The following ASTN2 variants were observed in gnomAD, a reference collection of about 807,000 sequenced individuals.
ASTN2 encodes the protein astrotactin-2.
In ASTN2, 54 loss-of-function variants were observed where a neutral mutation model predicts 139.8. The observed-to-expected ratio is 0.39, with a 90% CI of 0.31 to 0.48. The LOEUF (loss-of-function observed/expected upper bound fraction) is 0.48, where lower values mean the gene tolerates loss of function less well. Among genes scored for constraint, ASTN2 ranks in the 20% least tolerant of loss-of-function variants. The pLI, the probability that ASTN2 is intolerant of heterozygous loss-of-function variation, is 0.95. For missense variants in ASTN2, 1,565 were observed against 1,725.1 expected (o/e 0.91, Z 1.64); for synonymous variants, 756 against 719.5 (o/e 1.05, Z -0.81).
chr9:117,171,357 C>A lies in ASTN2; in HGVS notation c.1016-29879G>T, dbSNP rs78839245. On this transcript the variant is annotated intron_variant, in intron 3 of 22. Coordinates refer to ENST00000313400, the MANE Select transcript of ASTN2 (RefSeq NM_001365068.1). ...GGTTCCTGGCCTAGCTGTGTGACTGCAGAAGGGTTGTTTAACCTCTCTGTG... is the reference window on the plus strand; with the variant it reads ...GGTTCCTGGCCTAGCTGTGTGACTGAAGAAGGGTTGTTTAACCTCTCTGTG... Among the ~76,000 whole-genome samples, 783 of 152,208 alleles carry A rather than the reference C, an allele frequency of 5.1e-3. 15 individuals carry two copies. In the East Asian group the frequency reaches 0.072, roughly 14 times the overall value.
At chr9:116,843,177 A>C (rs1326228698) in intron 11 of ASTN2, among the ~76,000 whole-genome samples, 1 of 152,214 alleles carries the variant, frequency 6.6e-6, no homozygotes, top group Non-Finnish European at 1.5e-5. Context: ...TAGCAAAGAC[A>C]TGGACTCAAC....
chr9:116,655,607 A>G (rs1222486629), intron 16 of ASTN2, among the ~76,000 whole-genome samples: 1 of 152,156 alleles, frequency 6.6e-6, no homozygotes, highest in African/African-American at 2.4e-5. Flanking sequence ...TTCCAGGCTA[A>G]CTTCCACTCA....
At chr9:116,473,873 G>C (rs1021815718) in intron 20 of ASTN2, among the ~76,000 whole-genome samples, 5 of 151,814 alleles carry the variant, frequency 3.3e-5, no homozygotes, top group African/African-American at 1.2e-4. Flanking sequence ...CTGCACTCTA[G>C]TCTGGGCAAC....
At chr9:116,684,608 C>A (rs1860084922) in intron 16 of ASTN2, among the ~76,000 whole-genome samples, 2 of 152,124 alleles carry the variant, frequency 1.3e-5, no homozygotes, top group Non-Finnish European at 2.9e-5. Context: ...ATGTTTTTGC[C>A]ATGCAAGCCT....
At chr9:116,481,115 T>C (rs1255821359) in intron 20 of ASTN2, among the ~76,000 whole-genome samples, 1 of 152,158 alleles carries the variant, frequency 6.6e-6, no homozygotes, top group East Asian at 1.9e-4. Flanking sequence ...AGTCTGGGCA[T>C]GGTTGCACAT....
chr9:117,141,679 G>A (rs1435369411), intron 3 of ASTN2, among the ~76,000 whole-genome samples: 1 of 152,076 alleles, frequency 6.6e-6, no homozygotes, highest in African/African-American at 2.4e-5. Flanking sequence ...TGTATCTGTT[G>A]GATTACATAC....
intron 4 of ASTN2, among the ~76,000 whole-genome samples, chr9:117,108,318 G>A (rs542100708): frequency 2.0e-5 from 3 of 152,186 alleles, no homozygotes; most frequent in South Asian, 4.2e-4. Flanking sequence ...TCTTCAGGGT[G>A]ACATCAGACT....
chr9:117,329,213 GAAA>G, intron 1 of ASTN2, among the ~76,000 whole-genome samples: 1 of 66,782 alleles, frequency 1.5e-5, no homozygotes, highest in African/African-American at 5.8e-5. Context: ...TTTACTTTTT[GAAA>G]TTTTTATTAT....
chr9:116,542,728 G>A (rs1851925466), intron 19 of ASTN2, among the ~76,000 whole-genome samples: 2 of 152,060 alleles, frequency 1.3e-5, no homozygotes. Flanking sequence ...TTCAAGACCA[G>A]CCTGGGCAAC....
At chr9:116,733,369 C>A (rs1462351695) in intron 14 of ASTN2, 30 bp downstream of exon 14, 4 of 1,592,512 alleles carry the variant, frequency 2.5e-6, no homozygotes, top group Non-Finnish European at 3.4e-6. Context: ...GGTCAGGGAA[C>A]CTGGGAAGGG....
chr9:117,339,643 A>T (rs183073000), intron 1 of ASTN2, among the ~76,000 whole-genome samples: 2 of 152,308 alleles, frequency 1.3e-5, no homozygotes, highest in Admixed American at 1.3e-4. Flanking sequence ...CATACGATTA[A>T]TGTCAGGCCT....
chr9:116,438,789 A>G (rs1309013239), intron 22 of ASTN2, among the ~76,000 whole-genome samples: 1 of 152,038 alleles, frequency 6.6e-6, no homozygotes, highest in Non-Finnish European at 1.5e-5. Context: ...TACTAAAAAT[A>G]TTTTTTAAAA....
In ASTN2 at chr9:116,752,986, C is replaced by T. The variant is rs149906938; in HGVS notation, c.2397-19463G>A. ...CTTAAAAAGCTAAACAGTCTTACCACGAAATTCTGCAATTGCATGCATTCC... is the reference window on the plus strand; with the variant it reads ...CTTAAAAAGCTAAACAGTCTTACCATGAAATTCTGCAATTGCATGCATTCC... On this transcript the variant is annotated intron_variant, in intron 13 of 22. Coordinates refer to ENST00000313400, the MANE Select transcript of ASTN2 (RefSeq NM_001365068.1). 3.5e-3 allele frequency among the ~76,000 whole-genome samples: 540 copies of T among 152,258 alleles called. 2 individuals carry two copies. Among genetic ancestry groups the T allele is most frequent in the African/African-American group, 0.012 (519 of 41,544 alleles).
intron 4 of ASTN2, among the ~76,000 whole-genome samples, chr9:117,103,706 A>G (rs1221764372): frequency 6.6e-6 from 1 of 152,196 alleles, no homozygotes; most frequent in Non-Finnish European, 1.5e-5. Flanking sequence ...CAAGCTGGTG[A>G]CAGTGATATT....
rs114442276 is a variant in ASTN2, at chr9:117,043,480, G to C, written c.1277-3515C>G. On this transcript the variant is annotated intron_variant, in intron 5 of 22. Transcript: ENST00000313400. The stretch of plus-strand genomic sequence containing the variant: ...AGAAATACACTACCCCGGCTCCACA[G>C]GGCTAATTTTTGGTCTGGGGAAAGA... Among the ~76,000 whole-genome samples the C allele has an allele frequency of 5.9e-3, 894 of 152,226 alleles. 10 individuals carry two copies. Among genetic ancestry groups the C allele is most frequent in the African/African-American group, 0.02 (847 of 41,530 alleles).
intron 11 of ASTN2, among the ~76,000 whole-genome samples, chr9:116,852,797 A>T (rs558598613): frequency 5.5e-4 from 83 of 151,996 alleles, no homozygotes; most frequent in African/African-American, 1.7e-3. Context: ...GGAATTTCAG[A>T]CACCTGGGTT....
rs74625828 is a variant in ASTN2 at position 117,005,965 on chromosome 9, C to T, written c.1591+2127G>A. On this transcript the variant is annotated intron_variant, in intron 7 of 22. Coordinates refer to ENST00000313400, the MANE Select transcript of ASTN2 (RefSeq NM_001365068.1). ...TGGGGAGAACACAAGTGCAGGCTCC[C>T]AGCACCAGACTGATGGTCAGGCAGG... 3.8e-4 allele frequency among the ~76,000 whole-genome samples: 58 copies of T among 152,224 alleles called. 1 individual carries two copies. The East Asian group carries it at 0.011, about 28-fold the overall frequency.
At chr9:116,923,068 T>C (rs550909973) in intron 10 of ASTN2, among the ~76,000 whole-genome samples, 1 of 152,302 alleles carries the variant, frequency 6.6e-6, no homozygotes, top group East Asian at 1.9e-4. Flanking sequence ...ACAATGCCAC[T>C]TTACAAACAA....
At chr9:116,793,001 G>T (rs994862402) in intron 13 of ASTN2, among the ~76,000 whole-genome samples, 2 of 151,994 alleles carry the variant, frequency 1.3e-5, no homozygotes, top group African/African-American at 4.8e-5. Context: ...TGGGTACTAT[G>T]CTCAGCACAT....
Sources: gnomAD v4.1 joint callset for allele counts (sites outside exome capture counted in the v4.1 genomes callset) on GRCh38, gnomAD v4.1.1 for gene constraint, MANE v1.5 for transcripts, NCBI Gene and HGNC (gene_info 2026-07-23, HGNC 2026-07-21) for gene names.